Variants in DTNA observed in about 807,000 individuals in gnomAD.
DTNA encodes the protein dystrobrevin alpha.
Under a neutral mutation model 100.7 loss-of-function variants are expected in DTNA, and 43 were observed. That is an observed-to-expected ratio of 0.43 (90% CI 0.33 to 0.55). The LOEUF is 0.55. Ranked by LOEUF, DTNA falls within the 20% of genes least tolerant of loss-of-function variation. The pLI, the probability that DTNA is intolerant of heterozygous loss-of-function variation, is 0.04. For missense variants in DTNA, 798 were observed against 953.9 expected (o/e 0.84, Z 2.15); for synonymous variants, 349 against 347.9 (o/e 1.00, Z -0.04).
chr18:34,508,533 G>T (rs2040720153), intron 1 of DTNA, among the ~76,000 whole-genome samples: 1 of 152,062 alleles, frequency 6.6e-6, no homozygotes. Context: ...GATAGGGTAA[G>T]ACAAAATCAA....
Position 34,723,609 on chromosome 18 carries a change from A to G in DTNA, c.-2+13164A>G, listed in dbSNP as rs539751072. 3.5e-3 allele frequency among the ~76,000 whole-genome samples: 526 copies of G among 152,308 alleles called. 3 individuals are homozygous for G. Among genetic ancestry groups the G allele is most frequent in the South Asian group, 5.2e-3 (25 of 4,822 alleles). On this transcript the variant is annotated intron_variant, in intron 1 of 22. Transcript: ENST00000444659. ...TAAGATGTTCACAACTAAAAAAAGT[A>G]AAAATAGGGCCAGGCACGGTGGCTC... is the stretch of plus-strand genomic sequence containing the variant.
chr18:34,688,234 T>C (rs1193926750), intron 1 of DTNA, among the ~76,000 whole-genome samples: 1 of 152,168 alleles, frequency 6.6e-6, no homozygotes, highest in Non-Finnish European at 1.5e-5. Flanking sequence ...TTCTTCATAG[T>C]GTGGATGGTC....
intron 1 of DTNA, among the ~76,000 whole-genome samples, chr18:34,668,421 C>T (rs371096577): frequency 3.3e-5 from 5 of 152,202 alleles, no homozygotes; most frequent in Middle Eastern, 3.4e-3. Flanking sequence ...GTGTCTCTGT[C>T]TCCTTCAGTT....
At position 34,642,622 on chromosome 18, in the gene DTNA, G is replaced by A. The variant is rs547219861; in HGVS notation, c.-1-113354G>A. On this transcript the variant is annotated intron_variant, in intron 1 of 19. Transcript: ENST00000283365. ...TTGCCAGGCTGGAATGCAGTGGCGC[G>A]ATCTCGGCTCACTGCGACCTCCGAC... is the stretch of plus-strand genomic sequence containing the variant. Among the ~76,000 whole-genome samples the A allele has an allele frequency of 7.9e-5, 12 of 151,442 alleles. No individual in the cohort carries two copies. In the South Asian group the frequency reaches 1.9e-3, roughly 24 times the overall value.
chr18:34,555,775 T>A (rs2045965698), intron 1 of DTNA, among the ~76,000 whole-genome samples: 1 of 152,236 alleles, frequency 6.6e-6, no homozygotes, highest in Admixed American at 6.5e-5. Flanking sequence ...TTACATTTGC[T>A]GAGGAGAGCT....
intron 1 of DTNA, among the ~76,000 whole-genome samples, chr18:34,627,431 G>A (rs2057476126): frequency 6.6e-6 from 1 of 151,964 alleles, no homozygotes; most frequent in African/African-American, 2.4e-5. Context: ...AGACCCCATG[G>A]TTCCTTCCCA....
At chr18:34,748,773 C>T in intron 1 of DTNA, among the ~76,000 whole-genome samples, 1 of 152,086 alleles carries the variant, frequency 6.6e-6, no homozygotes, top group East Asian at 1.9e-4. Context: ...CTTAGTATTG[C>T]TTTGGCAATG....
At chr18:34,638,833 G>T (rs1227504374) in intron 1 of DTNA, among the ~76,000 whole-genome samples, 1 of 152,000 alleles carries the variant, frequency 6.6e-6, no homozygotes, top group African/African-American at 2.4e-5. Flanking sequence ...TCCAGGCATT[G>T]TTTTTGTTTG....
intron 13 of DTNA, among the ~76,000 whole-genome samples, chr18:34,842,044 T>C (rs2096277920): frequency 6.6e-6 from 1 of 152,152 alleles, no homozygotes; most frequent in South Asian, 2.1e-4. Flanking sequence ...TGCACCTTCC[T>C]CATTGCAGGA....
intron 1 of DTNA, among the ~76,000 whole-genome samples, chr18:34,590,541 C>A (rs1057199167): frequency 3.9e-5 from 6 of 152,166 alleles, no homozygotes; most frequent in Non-Finnish European, 8.8e-5. Flanking sequence ...CACAGATCAG[C>A]TAAGGCCTGT....
chr18:34,588,573 C>T (rs2049368487), intron 1 of DTNA, among the ~76,000 whole-genome samples: 1 of 152,118 alleles, frequency 6.6e-6, no homozygotes, highest in South Asian at 2.1e-4. Context: ...TTATGCTCCT[C>T]TCCCCTATAA....
intron 1 of DTNA, among the ~76,000 whole-genome samples, chr18:34,495,488 T>C (rs750594039): frequency 6.6e-6 from 1 of 152,242 alleles, no homozygotes; most frequent in African/African-American, 2.4e-5. Context: ...CATAGGTTAT[T>C]AGTCTGTTCT....
chr18:34,733,803 A>T (rs1046640394), intron 1 of DTNA, among the ~76,000 whole-genome samples: 6 of 152,240 alleles, frequency 3.9e-5, no homozygotes, highest in African/African-American at 1.4e-4. Flanking sequence ...ACCAAGGGAG[A>T]TCAGGCATTT....
chr18:34,533,176 G>A (rs191560657), intron 1 of DTNA, among the ~76,000 whole-genome samples: 137 of 151,746 alleles, frequency 9.0e-4, no homozygotes, highest in African/African-American at 3.1e-3. Flanking sequence ...TTCACGACCA[G>A]CCTGACCAAC....
At chr18:34,612,482 C>T (rs1369007403) in intron 1 of DTNA, among the ~76,000 whole-genome samples, 1 of 152,058 alleles carries the variant, frequency 6.6e-6, no homozygotes, top group Admixed American at 6.5e-5. Context: ...ATGGTCAGCC[C>T]GGGCTAGAGT....
chr18:34,560,167 A>G (rs2046505580), intron 1 of DTNA, among the ~76,000 whole-genome samples: 1 of 152,156 alleles, frequency 6.6e-6, no homozygotes, highest in Non-Finnish European at 1.5e-5. Flanking sequence ...TCTCTGGGTT[A>G]GATACCTTTT....
At chr18:34,844,386 A>G (rs933741397) in intron 13 of DTNA, among the ~76,000 whole-genome samples, 7 of 152,052 alleles carry the variant, frequency 4.6e-5, no homozygotes, top group African/African-American at 1.7e-4. Context: ...TCAGTACTGT[A>G]AAACCATTTC....
chr18:34,578,611 A>C (rs1051207864), intron 1 of DTNA, among the ~76,000 whole-genome samples: 1 of 152,134 alleles, frequency 6.6e-6, no homozygotes, highest in Non-Finnish European at 1.5e-5. Context: ...GATCTTACTT[A>C]AGGCCTTGAT....
At chr18:34,877,385 G>A (rs573600721) in intron 18 of DTNA, among the ~76,000 whole-genome samples, 1 of 152,266 alleles carries the variant, frequency 6.6e-6, no homozygotes, top group Admixed American at 6.5e-5. Context: ...GTGACCACAC[G>A]CACTGGTTTA....
Sources: gnomAD v4.1 joint callset for allele counts (sites outside exome capture counted in the v4.1 genomes callset) on GRCh38, gnomAD v4.1.1 for gene constraint, MANE v1.5 for transcripts, NCBI Gene and HGNC (gene_info 2026-07-23, HGNC 2026-07-21) for gene names.